The following EXT1 variants were observed in gnomAD, a reference collection of about 807,000 sequenced individuals.
The protein encoded by EXT1 is exostosin glycosyltransferase 1.
Under a neutral mutation model 82.5 loss-of-function variants are expected in EXT1, and 20 were observed. The ratio of observed to expected loss-of-function variants is 0.24; its 90% CI spans 0.17 to 0.35. The LOEUF (loss-of-function observed/expected upper bound fraction) is 0.35, where lower values mean the gene tolerates loss of function less well. Among genes scored for constraint, EXT1 ranks in the 10% least tolerant of loss-of-function variants. The probability of loss-of-function intolerance (pLI) is 1.00; values close to 1 mark genes in which losing one functional copy is unlikely to be tolerated. For missense variants in EXT1, 757 were observed against 936.5 expected, an observed-to-expected ratio of 0.81 and a Z score of 2.50; for synonymous variants, 348 against 350.8, an observed-to-expected ratio of 0.99 and a Z score of 0.09.
In EXT1 at chr8:117,983,933, T is replaced by C. The variant is rs566825655; in HGVS notation, c.962+126152A>G. ...TATTGGAATCTTCAGAGAGTTGTAG[T>C]TGAGAAATGGAAAACTCACAAACCC... On this transcript the variant is annotated intron_variant, in intron 1 of 10. Coordinates refer to ENST00000378204, the MANE Select transcript of EXT1 (RefSeq NM_000127.3). Among the ~76,000 whole-genome samples the C allele has an allele frequency of 1.2e-4, 19 of 152,336 alleles. No individual in the cohort carries two copies. The East Asian group carries it at 3.3e-3, about 26-fold the overall frequency.
intron 2 of EXT1, 122 bp from the exon 3 acceptor site, chr8:117,835,673 GC>G: frequency 1.3e-6 from 1 of 745,636 alleles, no homozygotes; most frequent in Non-Finnish European, 2.4e-6. Context: ...ATCCTGGACT[GC>G]CTAGGCCAGA....
In EXT1 at chr8:117,812,886, G is replaced by A; in HGVS notation, c.1708C>T (p.Leu570Phe). 6.2e-7 allele frequency: 1 copy of A among 1,614,042 alleles called. No homozygotes were observed. The highest frequency in any genetic ancestry group is 8.5e-7 in the Non-Finnish European group (1 of 1,179,986). The change falls in exon 8 of 11, where the codon CTT (leucine) becomes TTT (phenylalanine). Residue 570 changes from leucine to phenylalanine, a missense_variant. Leu to Phe is a conservative substitution (Grantham distance 22, BLOSUM62 0). Around this residue, in one of 4 missense-constraint regions of EXT1, gnomAD observed 207 missense variants for 224.2 expected, o/e 0.92. Transcript: ENST00000378204. ...TGGGTTCTTACCTCTGTTGTTGAAA[G>A]CACCGTGTCCTCGTCAAGGCTGAGC... Reference protein sequence around the residue: ...AVLSLDEDTVLSTTEVDFAFT... With the variant: ...AVLSLDEDTVFSTTEVDFAFT...
intron 1 of EXT1, among the ~76,000 whole-genome samples, chr8:117,932,031 C>T (rs1349566989): frequency 6.6e-6 from 1 of 152,136 alleles, no homozygotes; most frequent in Admixed American, 6.5e-5. Context: ...TGCACAAATA[C>T]AAATTTTTTA....
chr8:118,027,313 TCA>T (rs71307421), intron 1 of EXT1, among the ~76,000 whole-genome samples: 8,690 of 145,224 alleles, frequency 0.06, 263 homozygotes, highest in South Asian at 0.086. Context: ...TCAGTTTCTT[TCA>T]CACACACACA....
chr8:118,024,542 C>G (rs1190334954), intron 1 of EXT1, among the ~76,000 whole-genome samples: 1 of 147,404 alleles, frequency 6.8e-6, no homozygotes, highest in Non-Finnish European at 1.5e-5. Context: ...AAAAAAAAAA[C>G]AGCTTCATTT....
At chr8:117,951,336 G>C (rs963997137) in intron 1 of EXT1, among the ~76,000 whole-genome samples, 1 of 152,168 alleles carries the variant, frequency 6.6e-6, no homozygotes, top group Non-Finnish European at 1.5e-5. Context: ...TGAGAATATA[G>C]GTTCAGGGTC....
chr8:117,900,239 G>A (rs866465674), intron 1 of EXT1, among the ~76,000 whole-genome samples: 6 of 152,172 alleles, frequency 3.9e-5, no homozygotes, highest in Admixed American at 6.5e-5. Context: ...AGCACCCAGC[G>A]AAGAAGAGCA....
In EXT1 at chr8:117,818,532, T is replaced by C. The variant is rs1554578710; in HGVS notation, c.1537-2A>G. On this transcript the variant is annotated splice_acceptor_variant, in intron 6 of 10. Coordinates refer to ENST00000378204, the MANE Select transcript of EXT1 (RefSeq NM_000127.3). LOFTEE classifies it high-confidence loss of function. ...GTCACAATTCCATAGAACTATGATCTGAAAGGGATGGGGCTCATTAGATGG... is the reference window on the plus strand; with the variant it reads ...GTCACAATTCCATAGAACTATGATCCGAAAGGGATGGGGCTCATTAGATGG... 1 of 1,612,506 alleles carries C rather than the reference T, an allele frequency of 6.2e-7. No individual in the cohort carries two copies. The highest frequency in any genetic ancestry group is 8.5e-7 in the Non-Finnish European group (1 of 1,178,608).
intron 6 of EXT1, 60 bp downstream of exon 6, chr8:117,819,616 G>T: frequency 1.4e-6 from 2 of 1,421,758 alleles, no homozygotes; most frequent in Non-Finnish European, 2.0e-6. Context: ...GGTAAGGAGG[G>T]CGGAGTCTCT....
At chr8:117,889,840 C>T (rs1242528410) in intron 1 of EXT1, among the ~76,000 whole-genome samples, 1 of 152,164 alleles carries the variant, frequency 6.6e-6, no homozygotes, top group African/African-American at 2.4e-5. Context: ...CGAACAACAT[C>T]TCCATTATTT....
chr8:117,824,229 T>C (rs1014484498), intron 4 of EXT1, among the ~76,000 whole-genome samples: 1 of 152,120 alleles, frequency 6.6e-6, no homozygotes, highest in Admixed American at 6.6e-5. Context: ...TACAGACAAA[T>C]ATCATGGAAC....
At chr8:118,082,006 T>C (rs1010844784) in intron 1 of EXT1, among the ~76,000 whole-genome samples, 1 of 152,218 alleles carries the variant, frequency 6.6e-6, no homozygotes, top group African/African-American at 2.4e-5. Context: ...CGGGGAGTTC[T>C]TGTAAAAGAG....
At chr8:117,818,364 G>T in intron 7 of EXT1, 71 bp downstream of exon 7, 2 of 1,231,986 alleles carry the variant, frequency 1.6e-6, no homozygotes, top group South Asian at 2.4e-5. Context: ...CTAGGGCCAA[G>T]ACCCAAAGTG....
chr8:117,856,310 A>G (rs1392834095), intron 1 of EXT1, among the ~76,000 whole-genome samples: 1 of 148,288 alleles, frequency 6.7e-6, no homozygotes, highest in Admixed American at 6.8e-5. Context: ...GCTGGAGTGC[A>G]GTGGCGTGAT....
intron 10 of EXT1, among the ~76,000 whole-genome samples, chr8:117,801,981 T>C (rs1823173355): frequency 1.3e-5 from 2 of 152,260 alleles, no homozygotes; most frequent in African/African-American, 4.8e-5. Flanking sequence ...TGTTAACATT[T>C]ATTCTGAGTC....
At chr8:117,877,517 G>T (rs1016001832) in intron 1 of EXT1, among the ~76,000 whole-genome samples, 2 of 152,130 alleles carry the variant, frequency 1.3e-5, no homozygotes, top group Admixed American at 6.6e-5. Flanking sequence ...TCTTGAAGTG[G>T]AAAACTGTTC....
intron 1 of EXT1, among the ~76,000 whole-genome samples, chr8:117,962,976 A>G (rs1305580241): frequency 1.3e-5 from 2 of 152,110 alleles, no homozygotes; most frequent in African/African-American, 4.8e-5. Flanking sequence ...GGGCAGATGC[A>G]CCTGAATGTG....
intron 3 of EXT1, among the ~76,000 whole-genome samples, chr8:117,834,597 T>A (rs1298369450): frequency 7.4e-6 from 1 of 134,278 alleles, no homozygotes; most frequent in African/African-American, 2.8e-5. Context: ...AGAGTGAGAC[T>A]CCATCTCAAA....
intron 1 of EXT1, among the ~76,000 whole-genome samples, chr8:117,885,943 A>T (rs1813140347): frequency 6.6e-6 from 1 of 152,184 alleles, no homozygotes; most frequent in African/African-American, 2.4e-5. Flanking sequence ...ATCCTAGAGT[A>T]TGGTGGAATG....
Sources: allele counts gnomAD v4.1 joint callset (sites outside exome capture counted in the v4.1 genomes callset), GRCh38; gene constraint gnomAD v4.1.1; regional missense constraint gnomAD v4.1.1; transcripts MANE v1.5; gene names NCBI Gene and HGNC (gene_info 2026-07-23, HGNC 2026-07-21).